The following CPM variants were observed in gnomAD, a reference collection of about 807,000 sequenced individuals.
The protein encoded by CPM is renal carboxypeptidase.
A neutral mutation model predicts 46.4 loss-of-function variants in CPM; 35 were observed. That is an observed-to-expected ratio of 0.75 (90% CI 0.58 to 1.00). CPM has a LOEUF of 1.00. Ranked by LOEUF, CPM falls within the 50% of genes least tolerant of loss-of-function variation. The pLI is 0.00. For missense variants in CPM, 422 were observed against 530.4 expected (o/e 0.80, Z 2.01); for synonymous variants, 195 against 195.3 (o/e 1.00, Z 0.01).
chr12:68,895,320 A>C (rs1886826465), intron 2 of CPM, among the ~76,000 whole-genome samples: 1 of 152,070 alleles, frequency 6.6e-6, no homozygotes, highest in Non-Finnish European at 1.5e-5. Context: ...CTGATGCATG[A>C]TTTGCCATCT....
In CPM at chr12:68,932,659, T is replaced by C. The variant is rs1888557894; in HGVS notation, c.160+19A>G. 23 of 1,612,586 alleles carry C rather than the reference T, an allele frequency of 1.4e-5. No homozygotes were observed. Among genetic ancestry groups the C allele is most frequent in the Non-Finnish European group, 1.6e-5 (19 of 1,178,836 alleles). ...GGAGGACTGAGGGTTTGGCAAAGTG[T>C]TCACGAGACGGACCCTACCTTTCAC... On this transcript the variant is annotated intron_variant, in intron 2 of 8. Transcript: ENST00000551568.
upstream of CPM, chr12:68,963,302 T>C: frequency 5.6e-6 from 1 of 178,830 alleles, no homozygotes; most frequent in Non-Finnish European, 1.1e-5. Context: ...TCACTCCATC[T>C]GTTAAAGTTA....
At chr12:68,907,922 G>A (rs556483147) in intron 2 of CPM, among the ~76,000 whole-genome samples, 14 of 152,178 alleles carry the variant, frequency 9.2e-5, no homozygotes, top group South Asian at 4.1e-4. Context: ...TCCGCCTCCC[G>A]GATTTAAGTG....
intron 2 of CPM, among the ~76,000 whole-genome samples, chr12:68,906,943 A>G (rs1325482275): frequency 6.6e-6 from 1 of 152,234 alleles, no homozygotes. Flanking sequence ...CCAAATTAAG[A>G]ACCCTGGCTT....
At chr12:68,955,759 C>G (rs1017838079) in intron 1 of CPM, among the ~76,000 whole-genome samples, 1 of 152,144 alleles carries the variant, frequency 6.6e-6, no homozygotes, top group African/African-American at 2.4e-5. Context: ...GCAGGTAGCT[C>G]CTATCCTCAG....
chr12:68,929,752 G>A (rs1888426239), intron 2 of CPM, among the ~76,000 whole-genome samples: 1 of 152,098 alleles, frequency 6.6e-6, no homozygotes, highest in African/African-American at 2.4e-5. Flanking sequence ...GCTCAAAGAG[G>A]TGAATGACTA....
intron 5 of CPM, chr12:68,844,025 T>C (rs1280276972): frequency 4.8e-6 from 1 of 207,212 alleles, no homozygotes; most frequent in Non-Finnish European, 9.8e-6. Flanking sequence ...ATAAATGTGA[T>C]TATAAACATA....
Position 68,866,939 on chromosome 12 carries a change from A to T in CPM, c.897T>A (p.Asn299Lys), listed in dbSNP as rs1885476942. Residue 299 changes from asparagine (N) to lysine (K), a missense_variant, in exon 7 of 9, where the codon AAT becomes AAA. Asn to Lys is a moderately conservative substitution (Grantham distance 94). Transcript: ENST00000551568. ...REEKLPSFWN[N>K]NKASLIEYIK... ...TATATTCAATTAATGAGGCTTTGTT[A>T]TTATTCCAAAAGGATGGAAGCTTCT... is the stretch of plus-strand genomic sequence containing the variant. 3 of 1,614,138 alleles carry T rather than the reference A, an allele frequency of 1.9e-6. No individual in the cohort carries two copies. The East Asian group carries it at 6.7e-5, about 36-fold the overall frequency.
intron 2 of CPM, among the ~76,000 whole-genome samples, chr12:68,919,134 A>C (rs1490528250): frequency 6.6e-6 from 1 of 152,142 alleles, no homozygotes; most frequent in Non-Finnish European, 1.5e-5. Flanking sequence ...GCTGACTGTC[A>C]CCTTTCAGAT....
At chr12:68,864,185 C>T (rs558334529) in intron 7 of CPM, among the ~76,000 whole-genome samples, 2 of 152,344 alleles carry the variant, frequency 1.3e-5, no homozygotes, top group Admixed American at 1.3e-4. Flanking sequence ...TGGCTCATGC[C>T]TGTAATCCCA....
intron 7 of CPM, among the ~76,000 whole-genome samples, chr12:68,861,817 C>T (rs1885228230): frequency 6.7e-6 from 1 of 149,124 alleles, no homozygotes; most frequent in Admixed American, 6.8e-5. Context: ...CGTGAGCCAT[C>T]GCGCCCGGCT....
At chr12:68,961,496 T>A (rs1441162048) in intron 1 of CPM, among the ~76,000 whole-genome samples, 1 of 152,232 alleles carries the variant, frequency 6.6e-6, no homozygotes, top group Non-Finnish European at 1.5e-5. Flanking sequence ...TTCACCATGT[T>A]GCCCAGGTTG....
chr12:68,932,854 A>C lies in CPM; in HGVS notation c.-3-14T>G, dbSNP rs1187824329. ...GAAGTCCATGTTCTAGAGATGAATA[A>C]AAATAAGAAGAACCTGAGAACACAT... is the stretch of plus-strand genomic sequence containing the variant. On this transcript the variant is annotated splice_polypyrimidine_tract_variant and intron_variant, in intron 1 of 8. Transcript: ENST00000551568. 6.2e-7 allele frequency: 1 copy of C among 1,612,630 alleles called. No homozygotes were observed. The highest frequency in any genetic ancestry group is 8.5e-7 in the Non-Finnish European group (1 of 1,179,560).
intron 3 of CPM, among the ~76,000 whole-genome samples, chr12:68,884,372 G>A (rs1886342617): frequency 6.6e-6 from 1 of 152,178 alleles, no homozygotes; most frequent in South Asian, 2.1e-4. Context: ...GCTAGGGGCA[G>A]GTGCTTGCAT....
chr12:68,870,173 C>G (rs1325793197), intron 5 of CPM, 42 bp downstream of exon 5: 1 of 1,583,342 alleles, frequency 6.3e-7, no homozygotes, highest in Admixed American at 1.8e-5. Flanking sequence ...TTCAGCCCCA[C>G]TCTGGACTTA....
chr12:68,941,448 A>G (rs1888760306), intron 1 of CPM, among the ~76,000 whole-genome samples: 1 of 151,898 alleles, frequency 6.6e-6, no homozygotes, highest in Non-Finnish European at 1.5e-5. Flanking sequence ...ATCACAGCTC[A>G]CTGTAGCCTT....
intron 2 of CPM, among the ~76,000 whole-genome samples, chr12:68,886,152 G>A (rs577437067): frequency 1.3e-5 from 2 of 152,154 alleles, no homozygotes; most frequent in Non-Finnish European, 2.9e-5. Context: ...CTTATTAGGC[G>A]ATGTAGATCT....
Position 68,851,922 on chromosome 12 carries a change from T to C in CPM, c.*4515A>G, listed in dbSNP as rs565626615. ...TATCATAAAATATACATCAACTGTA[T>C]TGTTACCATATAGAATAACAACCAG... On this transcript the variant is annotated 3_prime_UTR_variant, in exon 9 of 9. Coordinates refer to ENST00000551568, the MANE Select transcript of CPM (RefSeq NM_198320.5). 1.3e-5 allele frequency: 2 copies of C among 152,368 alleles called. No individual in the cohort carries two copies. The highest frequency in any genetic ancestry group is 4.1e-4 in the South Asian group (2 of 4,830). The allele number at this position is 152,368 out of a possible 1,614,324, so 9.4% of individuals were successfully genotyped here.
At chr12:68,882,855 A>C (rs748982709) in intron 3 of CPM, among the ~76,000 whole-genome samples, 44 of 152,340 alleles carry the variant, frequency 2.9e-4, no homozygotes, top group Admixed American at 7.2e-4. Context: ...GCCACCAGAC[A>C]ATTTCTAATT....
Sources: gnomAD v4.1 joint callset for allele counts (sites outside exome capture counted in the v4.1 genomes callset) on GRCh38, gnomAD v4.1.1 for gene constraint, MANE v1.5 for transcripts, NCBI Gene and HGNC (gene_info 2026-07-23, HGNC 2026-07-21) for gene names.